CORIN: variants seen among roughly 807,000 people sequenced by gnomAD.
The protein encoded by CORIN is corin, serine peptidase.
In CORIN, 117 loss-of-function variants were observed where a neutral mutation model predicts 125.3. That is an observed-to-expected ratio of 0.93 (90% CI 0.80 to 1.09). The LOEUF is 1.09. CORIN is among the 50% of genes least tolerant of loss of function. The probability of loss-of-function intolerance (pLI) is 0.00; values close to 1 mark genes in which losing one functional copy is unlikely to be tolerated. For synonymous variants in CORIN, 450 were observed against 466.4 expected (o/e 0.96, Z 0.45); for missense variants, 1,253 against 1,306.7 (o/e 0.96, Z 0.63).
At chr4:47,708,850 G>A (rs1726703960) in intron 5 of CORIN, among the ~76,000 whole-genome samples, 1 of 152,194 alleles carries the variant, frequency 6.6e-6, no homozygotes, top group African/African-American at 2.4e-5. Flanking sequence ...ATCAGTGGGA[G>A]GAGAACTGCT....
intron 5 of CORIN, among the ~76,000 whole-genome samples, chr4:47,711,823 A>C (rs1296566651): frequency 6.6e-6 from 1 of 152,168 alleles, no homozygotes; most frequent in Non-Finnish European, 1.5e-5. Flanking sequence ...CCCTGGGAAG[A>C]AGGTGGGTGG....
In CORIN at chr4:47,623,558, A is replaced by T. The variant is rs754819585; in HGVS notation, c.2540+13T>A. On this transcript the variant is annotated intron_variant, in intron 19 of 21. Transcript: ENST00000273857. ...AAATCCAGGCAAAGGAAAAAAGGAAAGGTGCAGCTTACCCCTCGAAGCAGT... is the reference window on the plus strand; with the variant it reads ...AAATCCAGGCAAAGGAAAAAAGGAATGGTGCAGCTTACCCCTCGAAGCAGT... 17 of 1,609,870 alleles carry T rather than the reference A, an allele frequency of 1.1e-5. No individual in the cohort carries two copies. Among genetic ancestry groups the T allele is most frequent in the Non-Finnish European group, 8.5e-6 (10 of 1,177,490 alleles).
At chr4:47,763,637 G>GTT (rs1560538157) in intron 3 of CORIN, 51 bp from the exon 4 acceptor site, 1 of 1,459,270 alleles carries the variant, frequency 6.9e-7, no homozygotes, top group South Asian at 1.2e-5. Context: ...AGAAGTATAT[G>GTT]TTTGCAAACT....
At chr4:47,783,774 C>A (rs563077589) in intron 3 of CORIN, among the ~76,000 whole-genome samples, 1 of 151,988 alleles carries the variant, frequency 6.6e-6, no homozygotes, top group South Asian at 2.1e-4. Flanking sequence ...GCACTTCTAG[C>A]AAAAGTGATA....
At chr4:47,610,885 G>A (rs1303751958) in intron 19 of CORIN, among the ~76,000 whole-genome samples, 1 of 152,046 alleles carries the variant, frequency 6.6e-6, no homozygotes, top group East Asian at 1.9e-4. Context: ...CATGTTTGTT[G>A]AAGATCAGAT....
intron 10 of CORIN, among the ~76,000 whole-genome samples, chr4:47,669,572 C>CTT (rs1206820586): frequency 0.017 from 2,350 of 135,472 alleles, 80 homozygotes; most frequent in African/African-American, 0.06. Context: ...TATATATATG[C>CTT]TTTTTTTTTT....
chr4:47,764,211 T>C (rs1460069687), intron 3 of CORIN, among the ~76,000 whole-genome samples: 3 of 152,218 alleles, frequency 2.0e-5, no homozygotes, highest in Non-Finnish European at 2.9e-5. Context: ...AAACAATTTG[T>C]ATACAATGAT....
intron 5 of CORIN, among the ~76,000 whole-genome samples, chr4:47,730,138 T>C (rs12331979): frequency 0.046 from 6,961 of 152,204 alleles, 481 homozygotes; most frequent in African/African-American, 0.16. Flanking sequence ...AGAGGGTCCA[T>C]TGAGTTGATT....
At chr4:47,787,683 A>C (rs1730882464) in intron 2 of CORIN, among the ~76,000 whole-genome samples, 1 of 152,252 alleles carries the variant, frequency 6.6e-6, no homozygotes. Flanking sequence ...TAAGTTCCTT[A>C]GTGGTGATTT....
chr4:47,706,574 G>A (rs1024247707), intron 5 of CORIN: 25 of 1,607,432 alleles, frequency 1.6e-5, no homozygotes, highest in Non-Finnish European at 2.0e-5. Context: ...TGTGTTAGCC[G>A]TGGTGGCCGA....
intron 14 of CORIN, among the ~76,000 whole-genome samples, chr4:47,643,806 C>T (rs1396576224): frequency 6.6e-6 from 1 of 152,190 alleles, no homozygotes; most frequent in Admixed American, 6.5e-5. Flanking sequence ...TTTGTTCAGG[C>T]CCCTACACCA....
intron 5 of CORIN, among the ~76,000 whole-genome samples, chr4:47,717,517 G>A (rs1487676822): frequency 6.6e-6 from 1 of 152,034 alleles, no homozygotes; most frequent in African/African-American, 2.4e-5. Flanking sequence ...TTCCAACACT[G>A]GCTCAGACCA....
At chr4:47,775,229 T>TC (rs1730238320) in intron 3 of CORIN, among the ~76,000 whole-genome samples, 1 of 152,022 alleles carries the variant, frequency 6.6e-6, no homozygotes, top group South Asian at 2.1e-4. Flanking sequence ...TCTTTTTTTT[T>TC]CATATATACT....
intron 5 of CORIN, among the ~76,000 whole-genome samples, chr4:47,718,318 T>A (rs1011604623): frequency 4.6e-5 from 7 of 152,204 alleles, no homozygotes; most frequent in African/African-American, 1.7e-4. Context: ...CCTTTATACA[T>A]TCTCTCATTC....
intron 1 of CORIN, 39 bp from the exon 2 acceptor site, chr4:47,807,086 T>C: frequency 6.5e-7 from 1 of 1,539,380 alleles, no homozygotes; most frequent in Non-Finnish European, 8.9e-7. Flanking sequence ...GTTTTAGTTT[T>C]ACAATACATG....
chr4:47,676,364 C>T (rs1185956289), intron 9 of CORIN, among the ~76,000 whole-genome samples: 2 of 152,246 alleles, frequency 1.3e-5, no homozygotes, highest in South Asian at 2.1e-4. Context: ...TTTCAAGCCC[C>T]GTTCTTTTTG....
intron 14 of CORIN, among the ~76,000 whole-genome samples, chr4:47,644,593 A>C (rs1189238833): frequency 2.6e-5 from 4 of 152,202 alleles, no homozygotes; most frequent in Non-Finnish European, 5.9e-5. Flanking sequence ...CAAAAATTTA[A>C]TAATTATACC....
chr4:47,758,001 C>T (rs2109861239), intron 4 of CORIN, among the ~76,000 whole-genome samples: 1 of 151,462 alleles, frequency 6.6e-6, no homozygotes, highest in African/African-American at 2.4e-5. Context: ...GCAAGCTCCA[C>T]CTCCCGGATT....
intron 10 of CORIN, among the ~76,000 whole-genome samples, chr4:47,674,154 T>C (rs1269253014): frequency 1.3e-5 from 2 of 152,164 alleles, no homozygotes; most frequent in Admixed American, 6.5e-5. Context: ...GTAATGGTAA[T>C]GATATTAAGC....
Sources: allele counts gnomAD v4.1 joint callset (sites outside exome capture counted in the v4.1 genomes callset), GRCh38; gene constraint gnomAD v4.1.1; transcripts MANE v1.5; gene names NCBI Gene and HGNC (gene_info 2026-07-23, HGNC 2026-07-21).